The following ST3GAL1 variants were observed in gnomAD, a reference collection of about 807,000 sequenced individuals.
The protein encoded by ST3GAL1 is ST3 beta-galactoside alpha-2,3-sialyltransferase 1, also known as CMP-N-acetylneuraminate-beta-galactosamide-alpha-2,3-sialyltransferase 1.
ST3GAL1 carries 16 observed loss-of-function variants against 34.1 expected under a neutral mutation model. That is an observed-to-expected ratio of 0.47 (90% CI 0.32 to 0.71). The LOEUF (loss-of-function observed/expected upper bound fraction) is 0.71, where lower values mean the gene tolerates loss of function less well. Among genes scored for constraint, ST3GAL1 ranks in the 30% least tolerant of loss-of-function variants. The pLI is 0.04. For synonymous variants in ST3GAL1, 191 were observed against 184.7 expected (o/e 1.03, Z -0.28); for missense variants, 353 against 447.4 (o/e 0.79, Z 1.90).
chr8:133,521,039 G>A (rs1586637696), intron 2 of ST3GAL1, among the ~76,000 whole-genome samples: 1 of 119,084 alleles, frequency 8.4e-6, no homozygotes, highest in African/African-American at 3.3e-5. Context: ...TGCAACCTCC[G>A]CTTCCTGGGT....
At chr8:133,514,867 T>G (rs1401510030) in intron 2 of ST3GAL1, among the ~76,000 whole-genome samples, 1 of 151,988 alleles carries the variant, frequency 6.6e-6, no homozygotes, top group Admixed American at 6.5e-5. Context: ...GTGGGGGTAC[T>G]CACAGCTTCC....
chr8:133,552,704 T>C (rs908743128), intron 1 of ST3GAL1, among the ~76,000 whole-genome samples: 1 of 152,136 alleles, frequency 6.6e-6, no homozygotes, highest in African/African-American at 2.4e-5. Flanking sequence ...ACTTATAACC[T>C]CTCTCTCTGA....
intron 2 of ST3GAL1, among the ~76,000 whole-genome samples, chr8:133,511,635 C>T (rs1373850644): frequency 1.3e-5 from 2 of 152,198 alleles, no homozygotes; most frequent in Non-Finnish European, 2.9e-5. Flanking sequence ...ACGTGCCACA[C>T]CAACAGATAC....
In ST3GAL1 at chr8:133,461,057, C is replaced by G. The variant is rs957171283; in HGVS notation, c.849+818G>C. ...AGAACCTCAAGCAAGGGTCTGGGAC[C>G]AGCTGGCTGGAGGTGGGTGGGGTGG... On this transcript the variant is annotated intron_variant, in intron 9 of 9. Transcript: ENST00000522652. The surrounding 1 kb of genome is among the most constrained non-coding windows in gnomAD (Gnocchi z 4.7). Among the ~76,000 whole-genome samples, 15 of 152,120 alleles carry G rather than the reference C, an allele frequency of 9.9e-5. No homozygotes were observed. The highest frequency in any genetic ancestry group is 5.9e-5 in the Non-Finnish European group (4 of 68,026).
At chr8:133,476,237 A>G (rs1816171534) in intron 4 of ST3GAL1, 41 bp downstream of exon 4, 2 of 496,170 alleles carry the variant, frequency 4.0e-6, no homozygotes, top group South Asian at 4.1e-5. Context: ...TGGTAGACCA[A>G]CGCCATTCGT....
rs1474430280 is a variant in ST3GAL1 at position 133,461,381 on chromosome 8, A to G, written c.849+494T>C. 1.3e-5 allele frequency among the ~76,000 whole-genome samples: 2 copies of G among 152,190 alleles called. No homozygotes were observed. Among genetic ancestry groups the G allele is most frequent in the East Asian group, 3.9e-4 (2 of 5,180 alleles). ...CACAGCCTAGCGGACAGCGAAGGAC[A>G]TGGGAAGGCAAATGCATGCTTCTCG... On this transcript the variant is annotated intron_variant, in intron 9 of 9. Coordinates refer to ENST00000522652, the MANE Select transcript of ST3GAL1 (RefSeq NM_173344.3). The surrounding 1 kb of genome is among the most constrained non-coding windows in gnomAD (Gnocchi z 4.7).
chr8:133,536,211 C>T (rs1818306363), intron 2 of ST3GAL1, among the ~76,000 whole-genome samples: 1 of 152,068 alleles, frequency 6.6e-6, no homozygotes, highest in Non-Finnish European at 1.5e-5. Flanking sequence ...AGGGAGAGCA[C>T]ACATGAGGCT....
In ST3GAL1 at chr8:133,508,504, A is replaced by T. The variant is rs1817408954; in HGVS notation, c.-428-9315T>A. Among the ~76,000 whole-genome samples, 1 of 152,164 alleles carries T rather than the reference A, an allele frequency of 6.6e-6. No homozygotes were observed. Among genetic ancestry groups the T allele is most frequent in the African/African-American group, 2.4e-5 (1 of 41,444 alleles). ...AACACTTCCTCTGCAATCTACGTGC[A>T]CGGAGTCCCAGACTCAGGTTCTACA... On this transcript the variant is annotated intron_variant, in intron 2 of 9. Coordinates refer to ENST00000522652, the MANE Select transcript of ST3GAL1 (RefSeq NM_173344.3). The surrounding 1 kb of genome is among the most constrained non-coding windows in gnomAD (Gnocchi z 4.1).
intron 1 of ST3GAL1, among the ~76,000 whole-genome samples, chr8:133,562,313 G>C (rs775958690): frequency 6.6e-6 from 1 of 151,038 alleles, no homozygotes; most frequent in African/African-American, 2.4e-5. Flanking sequence ...GGGTTCAAGT[G>C]ATTCTCCTAC....
At position 133,460,143 on chromosome 8, in the gene ST3GAL1, C is replaced by T. The variant is rs1213400376; in HGVS notation, c.850-206G>A. On this transcript the variant is annotated intron_variant, in intron 9 of 9. Transcript: ENST00000522652. ...AAGCAAATGCAAGTTAAGTAAAACT[C>T]AAGTCTAATTCCAGAAGCACCCTGA... 2.0e-5 allele frequency among the ~76,000 whole-genome samples: 3 copies of T among 152,186 alleles called. No individual in the cohort carries two copies. In the East Asian group the frequency reaches 5.8e-4, roughly 29 times the overall value.
chr8:133,568,338 G>A (rs986696355), intron 1 of ST3GAL1, among the ~76,000 whole-genome samples: 9 of 152,166 alleles, frequency 5.9e-5, no homozygotes, highest in Admixed American at 3.3e-4. Flanking sequence ...ACAGGGCCCC[G>A]GTCTGGGCTC....
At chr8:133,567,366 A>C (rs1819432222) in intron 1 of ST3GAL1, 1 of 152,224 alleles carries the variant, frequency 6.6e-6, no homozygotes. Flanking sequence ...AACTGAAATC[A>C]AAACAACCCA....
chr8:133,536,821 A>G (rs972486404), intron 2 of ST3GAL1, among the ~76,000 whole-genome samples: 13 of 152,190 alleles, frequency 8.5e-5, no homozygotes, highest in African/African-American at 2.9e-4. Context: ...CCTTTTTTAC[A>G]GATGGGGAAA....
chr8:133,568,712 T>G (rs968117712), intron 1 of ST3GAL1, among the ~76,000 whole-genome samples: 1 of 151,762 alleles, frequency 6.6e-6, no homozygotes, highest in Non-Finnish European at 1.5e-5. Context: ...CAAGCAAGGT[T>G]ACCTGACCAG....
chr8:133,473,180 C>A (rs984994151), intron 5 of ST3GAL1, among the ~76,000 whole-genome samples: 1 of 152,102 alleles, frequency 6.6e-6, no homozygotes, highest in Non-Finnish European at 1.5e-5. Flanking sequence ...CCTTTTTAAC[C>A]CTCCTGGGCG....
At chr8:133,526,759 G>T (rs1817986986) in intron 2 of ST3GAL1, among the ~76,000 whole-genome samples, 1 of 152,174 alleles carries the variant, frequency 6.6e-6, no homozygotes, top group Non-Finnish European at 1.5e-5. Context: ...TTGCTTAGAA[G>T]AGAGGTCATT....
chr8:133,465,830 T>C (rs926101913), intron 6 of ST3GAL1, 64 bp downstream of exon 6: 9 of 1,542,592 alleles, frequency 5.8e-6, no homozygotes, highest in Non-Finnish European at 7.9e-6. Flanking sequence ...CCAAGATGCT[T>C]CCTACAGCTC....
intron 2 of ST3GAL1, among the ~76,000 whole-genome samples, chr8:133,525,025 T>C (rs1308974054): frequency 6.6e-6 from 1 of 152,234 alleles, no homozygotes; most frequent in Non-Finnish European, 1.5e-5. Context: ...GTTTCAGCCC[T>C]GTTTGTGTTA....
At chr8:133,465,830 T>TC in intron 6 of ST3GAL1, 64 bp downstream of exon 6, 1 of 1,542,710 alleles carries the variant, frequency 6.5e-7, no homozygotes, top group Non-Finnish European at 8.8e-7. Context: ...CCAAGATGCT[T>TC]CCTACAGCTC....
Sources: gnomAD v4.1 joint callset for allele counts (sites outside exome capture counted in the v4.1 genomes callset) on GRCh38, gnomAD v4.1.1 for gene constraint, Gnocchi (gnomAD v3.1) non-coding constraint, MANE v1.5 for transcripts, NCBI Gene and HGNC (gene_info 2026-07-23, HGNC 2026-07-21) for gene names.